The following TPRG1 variants were observed in gnomAD, a reference collection of about 807,000 sequenced individuals.
TPRG1 encodes tumor protein p63-regulated gene 1 protein.
A neutral mutation model predicts 29.3 loss-of-function variants in TPRG1; 29 were observed. The observed-to-expected ratio is 0.99, with a 90% confidence interval of 0.74 to 1.35. TPRG1 has a LOEUF of 1.35. Ranked by LOEUF, TPRG1 falls within the 40% of genes most tolerant of loss-of-function variation. The pLI, the probability that TPRG1 is intolerant of heterozygous loss-of-function variation, is 0.00. For synonymous variants in TPRG1, 130 were observed against 116.8 expected (o/e 1.11, Z -0.73); for missense variants, 327 against 335.0 (o/e 0.98, Z 0.19).
intron 4 of TPRG1, among the ~76,000 whole-genome samples, chr3:189,293,218 G>T (rs1255626447): frequency 1.3e-5 from 2 of 152,170 alleles, no homozygotes; most frequent in Non-Finnish European, 2.9e-5. Flanking sequence ...GGCTCCTCTG[G>T]CAGTGTCCTT....
At chr3:189,054,626 C>T (rs900334453) in intron 4 of TPRG1, among the ~76,000 whole-genome samples, 14 of 151,952 alleles carry the variant, frequency 9.2e-5, no homozygotes, top group African/African-American at 3.4e-4. Context: ...CACAGATGCA[C>T]ACACACAAAA....
intron 3 of TPRG1, among the ~76,000 whole-genome samples, chr3:189,017,133 C>T (rs915334388): frequency 6.6e-6 from 1 of 151,444 alleles, no homozygotes; most frequent in South Asian, 2.1e-4. Flanking sequence ...TTTGTTCATG[C>T]CTTTTCATTT....
rs150023066 is a variant in TPRG1 at position 189,234,066 on chromosome 3, A to T, written c.303-4667A>T. Among the ~76,000 whole-genome samples, 684 of 152,220 alleles carry T rather than the reference A, an allele frequency of 4.5e-3. 5 individuals carry two copies. The highest frequency in any genetic ancestry group is 0.013 in the South Asian group (61 of 4,826). On this transcript the variant is annotated intron_variant, in intron 3 of 5. Transcript: ENST00000345063. ...TCTTATTTTTTTATTTTTAGTAGAG[A>T]CAAGGTCTCCCTGTGTTGCCCAGGC...
rs1301192314 is a variant in TPRG1, at chr3:189,322,670, A to T, written c.*1850A>T. 1.3e-5 allele frequency: 2 copies of T among 152,568 alleles called. No individual in the cohort carries two copies. The highest frequency in any genetic ancestry group is 2.4e-5 in the African/African-American group (1 of 41,430). The allele number at this position is 152,568 out of a possible 1,614,324, so 9.5% of individuals were successfully genotyped here. On this transcript the variant is annotated 3_prime_UTR_variant, in exon 6 of 6. Transcript: ENST00000345063. ...CAGAAGCCTCTGAAATGTCCAGCAC[A>T]TTCTTTTGAGTTACCATTTAAGGAT... is the stretch of plus-strand genomic sequence containing the variant.
chr3:189,159,175 T>C (rs1727112977), intron 5 of TPRG1, among the ~76,000 whole-genome samples: 1 of 152,182 alleles, frequency 6.6e-6, no homozygotes, highest in Non-Finnish European at 1.5e-5. Context: ...TAAATCATAA[T>C]AAACTTGTAA....
intron 5 of TPRG1, among the ~76,000 whole-genome samples, chr3:189,319,345 C>G (rs1055928015): frequency 1.3e-5 from 2 of 152,064 alleles, no homozygotes; most frequent in East Asian, 3.9e-4. Flanking sequence ...GTGTCTGCAA[C>G]AAAATCCTCC....
At chr3:189,275,641 A>G (rs1716010301) in intron 4 of TPRG1, among the ~76,000 whole-genome samples, 1 of 152,138 alleles carries the variant, frequency 6.6e-6, no homozygotes, top group African/African-American at 2.4e-5. Context: ...AATATAATGA[A>G]GGTATTGTGG....
At chr3:189,205,347 C>T (rs1203982567) in intron 1 of TPRG1, among the ~76,000 whole-genome samples, 1 of 152,352 alleles carries the variant, frequency 6.6e-6, no homozygotes, top group South Asian at 2.1e-4. Flanking sequence ...CATTCAAATC[C>T]TCAGGGTGAA....
chr3:189,134,472 G>T (rs894192588), intron 3 of TPRG1, among the ~76,000 whole-genome samples: 1 of 145,360 alleles, frequency 6.9e-6, no homozygotes, highest in Non-Finnish European at 1.5e-5. Flanking sequence ...GAGCACAGTG[G>T]CATGATCATA....
At chr3:189,310,590 A>G (rs2109313416) in intron 5 of TPRG1, 51 bp downstream of exon 5, 1 of 1,451,820 alleles carries the variant, frequency 6.9e-7, no homozygotes, top group Non-Finnish European at 9.5e-7. Flanking sequence ...TGCTGGAGCT[A>G]TGTGCTTCTA....
rs181942174 is a variant in TPRG1 at position 189,295,642 on chromosome 3, G to T, written c.480-14744G>T. ...GGATATGGTAGTGGAAAGCTTCATTGATATCCCAAGCATCTTTAGGGGATT... is the reference window on the plus strand; with the variant it reads ...GGATATGGTAGTGGAAAGCTTCATTTATATCCCAAGCATCTTTAGGGGATT... On this transcript the variant is annotated intron_variant, in intron 4 of 5. Transcript: ENST00000345063. Among the ~76,000 whole-genome samples, 20 of 149,890 alleles carry T rather than the reference G, an allele frequency of 1.3e-4. No individual in the cohort carries two copies. The East Asian group carries it at 4.2e-3, about 32-fold the overall frequency.
intron 3 of TPRG1, among the ~76,000 whole-genome samples, chr3:189,013,317 A>G (rs1370727521): frequency 6.6e-6 from 1 of 152,124 alleles, no homozygotes; most frequent in African/African-American, 2.4e-5. Context: ...ATTTCCATGT[A>G]GTTGTATGGT....
intron 1 of TPRG1, among the ~76,000 whole-genome samples, chr3:189,183,394 C>G (rs1291187201): frequency 6.6e-6 from 1 of 152,096 alleles, no homozygotes; most frequent in Admixed American, 6.5e-5. Flanking sequence ...ATTAAGATTG[C>G]TAATGAAGTT....
chr3:189,275,328 A>G (rs1036292515), intron 4 of TPRG1, among the ~76,000 whole-genome samples: 2 of 152,198 alleles, frequency 1.3e-5, no homozygotes, highest in South Asian at 2.1e-4. Flanking sequence ...TGCTATAACT[A>G]CTACATGCTC....
At chr3:189,011,551 G>A (rs563385785) in intron 3 of TPRG1, among the ~76,000 whole-genome samples, 3 of 152,256 alleles carry the variant, frequency 2.0e-5, no homozygotes, top group Admixed American at 2.0e-4. Context: ...TTAGATGGTG[G>A]CAGGCAAAGA....
chr3:189,132,055 G>A (rs2108535537), intron 2 of TPRG1, among the ~76,000 whole-genome samples: 1 of 152,204 alleles, frequency 6.6e-6, no homozygotes, highest in African/African-American at 2.4e-5. Context: ...GGTTCTCTCT[G>A]GCTCTGATAG....
intron 4 of TPRG1, among the ~76,000 whole-genome samples, chr3:189,303,153 C>T (rs1219833197): frequency 1.3e-5 from 2 of 151,952 alleles, no homozygotes; most frequent in Non-Finnish European, 2.9e-5. Context: ...ATTTAAGGAG[C>T]CAAGGACACA....
At chr3:189,291,003 G>A (rs546547759) in intron 4 of TPRG1, among the ~76,000 whole-genome samples, 275 of 152,200 alleles carry the variant, frequency 1.8e-3, no homozygotes, top group Non-Finnish European at 3.5e-3. Context: ...CCGGGTTCAC[G>A]CCATTCTCCT....
chr3:189,032,696 G>A (rs573127509), intron 4 of TPRG1, among the ~76,000 whole-genome samples: 40 of 150,484 alleles, frequency 2.7e-4, no homozygotes, highest in African/African-American at 6.4e-4. Flanking sequence ...TGCTGCACCC[G>A]TTAACTCGTC....
Sources: allele counts gnomAD v4.1 joint callset (sites outside exome capture counted in the v4.1 genomes callset), GRCh38; gene constraint gnomAD v4.1.1; transcripts MANE v1.5; gene names NCBI Gene and HGNC (gene_info 2026-07-23, HGNC 2026-07-21).